THRB: variants seen among roughly 807,000 people sequenced by gnomAD.
THRB encodes nuclear receptor subfamily 1 group A member 2.
Under a neutral mutation model 47.8 loss-of-function variants are expected in THRB, and 12 were observed. The observed-to-expected ratio is 0.25, with a 90% CI of 0.16 to 0.41. THRB has a LOEUF of 0.41. THRB is among the 10% of genes least tolerant of loss of function. The pLI is 1.00. For synonymous variants in THRB, 218 were observed against 212.2 expected (o/e 1.03, Z -0.24); for missense variants, 348 against 589.2 (o/e 0.59, Z 4.24).
intron 2 of THRB, among the ~76,000 whole-genome samples, chr3:24,299,091 C>CA (rs1159380599): frequency 3.3e-5 from 5 of 150,924 alleles, no homozygotes; most frequent in African/African-American, 1.2e-4. Context: ...ACTAAAAATA[C>CA]AAAAAAATTA....
At chr3:24,123,250 G>A in intron 10 of THRB, 125 bp from the exon 11 acceptor site, 1 of 1,407,882 alleles carries the variant, frequency 7.1e-7, no homozygotes, top group Non-Finnish European at 9.9e-7. Flanking sequence ...CCATGAGCAT[G>A]GATGCAGCGT....
intron 9 of THRB, among the ~76,000 whole-genome samples, chr3:24,129,632 A>G (rs1460332775): frequency 6.6e-6 from 1 of 152,228 alleles, no homozygotes; most frequent in Admixed American, 6.5e-5. Flanking sequence ...GATCCTGGTG[A>G]GATTTGTTTC....
intron 2 of THRB, among the ~76,000 whole-genome samples, chr3:24,306,256 G>C (rs756056610): frequency 6.6e-6 from 1 of 152,156 alleles, no homozygotes; most frequent in African/African-American, 2.4e-5. Context: ...CAGCTCCCCC[G>C]AATCTAAATT....
chr3:24,342,315 G>A lies in THRB; in HGVS notation c.-260-4944C>T, dbSNP rs142682311. Among the ~76,000 whole-genome samples, 485 of 152,242 alleles carry A rather than the reference G, an allele frequency of 3.2e-3. 2 individuals carry two copies. The highest frequency in any genetic ancestry group is 0.01 in the African/African-American group (435 of 41,546). On this transcript the variant is annotated intron_variant, in intron 1 of 10. Transcript: ENST00000646209. ...GAGAATAATGCAGGGGATTGATTACGTAAGTGAAGGAAAAGATGTGAAGTC... is the reference window on the plus strand; with the variant it reads ...GAGAATAATGCAGGGGATTGATTACATAAGTGAAGGAAAAGATGTGAAGTC...
intron 5 of THRB, chr3:24,165,436 T>G: frequency 1.5e-6 from 1 of 686,692 alleles, no homozygotes; most frequent in Non-Finnish European, 2.6e-6. Context: ...CCCTGAGAGC[T>G]GGGCATATAC....
intron 1 of THRB, among the ~76,000 whole-genome samples, chr3:24,429,853 T>G (rs1465043400): frequency 6.6e-6 from 1 of 152,000 alleles, no homozygotes; most frequent in Non-Finnish European, 1.5e-5. Context: ...AGTACTGCAC[T>G]GAATATCCAA....
intron 6 of THRB, among the ~76,000 whole-genome samples, chr3:24,148,136 ATT>A (rs961071172): frequency 6.6e-6 from 1 of 152,084 alleles, no homozygotes; most frequent in South Asian, 2.1e-4. Flanking sequence ...ATTAAAAAAA[ATT>A]TTTTTTGAGA....
At chr3:24,153,909 A>G (rs2037402131) in intron 5 of THRB, among the ~76,000 whole-genome samples, 1 of 152,214 alleles carries the variant, frequency 6.6e-6, no homozygotes, top group South Asian at 2.1e-4. Context: ...CTAGGTTGAA[A>G]TGACTGATGC....
chr3:24,466,135 G>A (rs1441417067), intron 1 of THRB, among the ~76,000 whole-genome samples: 4 of 152,060 alleles, frequency 2.6e-5, no homozygotes, highest in African/African-American at 9.7e-5. Flanking sequence ...GCAGCCTTCT[G>A]AATTAGTTTG....
At chr3:24,153,102 C>A (rs2037261202) in intron 5 of THRB, among the ~76,000 whole-genome samples, 2 of 152,148 alleles carry the variant, frequency 1.3e-5, no homozygotes, top group South Asian at 4.1e-4. Flanking sequence ...ACTGTGAGTT[C>A]TAGATAACAC....
intron 1 of THRB, among the ~76,000 whole-genome samples, chr3:24,445,960 A>G (rs2072032286): frequency 6.6e-6 from 1 of 152,202 alleles, no homozygotes; most frequent in Admixed American, 6.5e-5. Context: ...CATAAGTAAG[A>G]TATAAAACTT....
intron 1 of THRB, among the ~76,000 whole-genome samples, chr3:24,437,029 C>T (rs958842463): frequency 1.8e-4 from 27 of 151,176 alleles, no homozygotes; most frequent in African/African-American, 6.1e-4. Context: ...GTGCATGGAC[C>T]TGGCACTTTT....
intron 1 of THRB, among the ~76,000 whole-genome samples, chr3:24,385,541 C>T (rs2066034016): frequency 6.6e-6 from 1 of 152,080 alleles, no homozygotes; most frequent in Non-Finnish European, 1.5e-5. Context: ...CCAGCATAAT[C>T]TGCCTTTAAA....
intron 4 of THRB, among the ~76,000 whole-genome samples, chr3:24,214,483 T>C (rs1438816368): frequency 1.3e-5 from 2 of 152,104 alleles, no homozygotes; most frequent in Non-Finnish European, 2.9e-5. Flanking sequence ...TTGGAAATCA[T>C]AGGAAACAAT....
At chr3:24,427,758 T>C (rs977361029) in intron 1 of THRB, among the ~76,000 whole-genome samples, 1 of 152,038 alleles carries the variant, frequency 6.6e-6, no homozygotes, top group African/African-American at 2.4e-5. Flanking sequence ...TTTTAATAAC[T>C]AATGTTAAAA....
At chr3:24,492,617 A>G (rs746138265) in intron 1 of THRB, among the ~76,000 whole-genome samples, 10 of 152,260 alleles carry the variant, frequency 6.6e-5, no homozygotes, top group Non-Finnish European at 1.3e-4. Context: ...CAAAAACCCC[A>G]GGAGAGGAAA....
At chr3:24,374,752 T>C (rs2065155178) in intron 1 of THRB, among the ~76,000 whole-genome samples, 1 of 152,116 alleles carries the variant, frequency 6.6e-6, no homozygotes, top group East Asian at 1.9e-4. Flanking sequence ...CCCATTTCAC[T>C]GTCTTTTAAG....
chr3:24,397,962 T>C (rs1271517037), intron 1 of THRB, among the ~76,000 whole-genome samples: 8 of 152,058 alleles, frequency 5.3e-5, no homozygotes, highest in Non-Finnish European at 8.8e-5. Flanking sequence ...TTCTCTCTAG[T>C]TGTCAAGCTA....
At chr3:24,490,061 C>T (rs551083845) in intron 1 of THRB, among the ~76,000 whole-genome samples, 1 of 152,284 alleles carries the variant, frequency 6.6e-6, no homozygotes, top group Non-Finnish European at 1.5e-5. Context: ...ATATGAGAGA[C>T]TCCAACAGGT....
Sources: allele counts gnomAD v4.1 joint callset (sites outside exome capture counted in the v4.1 genomes callset), GRCh38; gene constraint gnomAD v4.1.1; transcripts MANE v1.5; gene names NCBI Gene and HGNC (gene_info 2026-07-23, HGNC 2026-07-21).